The following MACROD2 variants were observed in gnomAD, a reference collection of about 807,000 sequenced individuals.
The protein encoded by MACROD2 is ADP-ribose glycohydrolase MACROD2.
A neutral mutation model predicts 70.4 loss-of-function variants in MACROD2; 36 were observed. The ratio of observed to expected loss-of-function variants is 0.51; its 90% confidence interval spans 0.39 to 0.68. The LOEUF (loss-of-function observed/expected upper bound fraction) is 0.68. Ranked by LOEUF, MACROD2 falls within the 30% of genes least tolerant of loss-of-function variation. The pLI is 0.00. For missense variants in MACROD2, 496 were observed against 538.4 expected (o/e 0.92, Z 0.78); for synonymous variants, 172 against 178.8 (o/e 0.96, Z 0.30).
chr20:14,746,394 G>C (rs2123728376), intron 5 of MACROD2, among the ~76,000 whole-genome samples: 1 of 152,064 alleles, frequency 6.6e-6, no homozygotes, highest in African/African-American at 2.4e-5. Flanking sequence ...CTGTTTTAAG[G>C]GTTTATTTTC....
chr20:14,800,389 T>G (rs2072560159), intron 5 of MACROD2, among the ~76,000 whole-genome samples: 1 of 152,110 alleles, frequency 6.6e-6, no homozygotes, highest in Admixed American at 6.6e-5. Flanking sequence ...ATTAAAACTA[T>G]GTTGATGATT....
intron 8 of MACROD2, among the ~76,000 whole-genome samples, chr20:15,840,437 A>C (rs2064157965): frequency 6.6e-6 from 1 of 152,144 alleles, no homozygotes; most frequent in Admixed American, 6.6e-5. Flanking sequence ...GGAGTGGCAA[A>C]AACCAAAAAG....
intron 8 of MACROD2, among the ~76,000 whole-genome samples, chr20:15,793,271 C>T (rs1457971855): frequency 6.6e-6 from 1 of 151,998 alleles, no homozygotes; most frequent in Non-Finnish European, 1.5e-5. Context: ...AACCCAGGTC[C>T]CCACCGTAGA....
intron 8 of MACROD2, among the ~76,000 whole-genome samples, chr20:15,592,454 G>A (rs1231465042): frequency 6.6e-6 from 1 of 152,208 alleles, no homozygotes; most frequent in Non-Finnish European, 1.5e-5. Flanking sequence ...AGGAAGGCCT[G>A]CAACATATGG....
At chr20:15,522,743 A>T (rs1444926759) in intron 8 of MACROD2, among the ~76,000 whole-genome samples, 1 of 152,202 alleles carries the variant, frequency 6.6e-6, no homozygotes, top group Non-Finnish European at 1.5e-5. Context: ...ACATTGTTCT[A>T]GACTTGGATG....
chr20:15,747,976 G>C (rs765965835), intron 8 of MACROD2, among the ~76,000 whole-genome samples: 1 of 152,064 alleles, frequency 6.6e-6, no homozygotes, highest in Non-Finnish European at 1.5e-5. Context: ...GTCCTCTGCA[G>C]ATATTTTTAA....
chr20:15,360,227 A>T (rs1449212523), intron 6 of MACROD2, among the ~76,000 whole-genome samples: 1 of 152,170 alleles, frequency 6.6e-6, no homozygotes, highest in African/African-American at 2.4e-5. Context: ...TAGTATGGGC[A>T]TATCATAGTA....
intron 3 of MACROD2, among the ~76,000 whole-genome samples, chr20:14,094,868 C>T (rs2054200593): frequency 6.6e-6 from 1 of 152,168 alleles, no homozygotes; most frequent in South Asian, 2.1e-4. Flanking sequence ...CCACCAGTCT[C>T]TTGCCACTGA....
chr20:15,819,025 T>C (rs189039026), intron 8 of MACROD2, among the ~76,000 whole-genome samples: 41 of 152,110 alleles, frequency 2.7e-4, no homozygotes, highest in African/African-American at 8.9e-4. Context: ...TGATACCATG[T>C]GACGCAACAA....
chr20:14,779,507 G>GCCCA (rs1183615761), intron 5 of MACROD2, among the ~76,000 whole-genome samples: 2 of 152,070 alleles, frequency 1.3e-5, no homozygotes, highest in Non-Finnish European at 2.9e-5. Flanking sequence ...GGCAACACCA[G>GCCCA]GCATTCAGTC....
intron 6 of MACROD2, among the ~76,000 whole-genome samples, chr20:15,301,877 T>C (rs2077647801): frequency 6.6e-6 from 1 of 152,154 alleles, no homozygotes; most frequent in Non-Finnish European, 1.5e-5. Flanking sequence ...TCATTTTTCC[T>C]CTAACTTTCA....
At chr20:14,436,957 A>T (rs887449292) in intron 3 of MACROD2, among the ~76,000 whole-genome samples, 2 of 152,228 alleles carry the variant, frequency 1.3e-5, no homozygotes, top group Non-Finnish European at 2.9e-5. Context: ...TGCTTTAAAC[A>T]TCTATCCTGA....
At chr20:14,595,759 C>A (rs62202905) in intron 4 of MACROD2, among the ~76,000 whole-genome samples, 28,576 of 152,042 alleles carry the variant, frequency 0.19, 3,354 homozygotes, top group Non-Finnish European at 0.26. Context: ...GTTTTGCCTA[C>A]GTATATGCTG....
At chr20:14,382,969 T>C (rs2122778244) in intron 3 of MACROD2, among the ~76,000 whole-genome samples, 1 of 152,272 alleles carries the variant, frequency 6.6e-6, no homozygotes, top group South Asian at 2.1e-4. Context: ...AAAATGTACA[T>C]ATGTTTGCTA....
At chr20:14,228,339 T>A (rs1601375094) in intron 3 of MACROD2, among the ~76,000 whole-genome samples, 1 of 26,508 alleles carries the variant, frequency 3.8e-5, no homozygotes, top group South Asian at 1.0e-3. Context: ...AATATTTTTC[T>A]TTTTTTTTTT....
In MACROD2 at chr20:14,215,104, ATC is replaced by A. The variant is rs373426976; in HGVS notation, c.271+129378_271+129379del. ...CATATATATCTATTCCATCATATAT[ATC>A]TATTCCATCATATATATATTCCATC... On this transcript the variant is annotated intron_variant, in intron 3 of 17. Transcript: ENST00000684519. Among the ~76,000 whole-genome samples, 50 of 8,036 alleles carry A rather than the reference ATC, an allele frequency of 6.2e-3. 1 individual carries two copies. The East Asian group carries it at 0.062, about 10-fold the overall frequency. 5.3% of individuals were successfully genotyped at this position (8,036 alleles called of 152,430 possible). A position where few individuals can be genotyped will look rare whatever the true frequency, so the allele number is the denominator to read the frequency against.
At chr20:14,784,700 G>T (rs1290359831) in intron 5 of MACROD2, among the ~76,000 whole-genome samples, 2 of 146,506 alleles carry the variant, frequency 1.4e-5, no homozygotes, top group Non-Finnish European at 3.0e-5. Context: ...TCAGTTACCT[G>T]GATAGGGAAA....
At chr20:15,579,005 A>G (rs2048487545) in intron 8 of MACROD2, among the ~76,000 whole-genome samples, 1 of 152,214 alleles carries the variant, frequency 6.6e-6, no homozygotes, top group Non-Finnish European at 1.5e-5. Flanking sequence ...TGAGTTGAAA[A>G]TAATATTGAT....
chr20:15,613,001 T>G (rs79190172), intron 8 of MACROD2, among the ~76,000 whole-genome samples: 3,726 of 152,284 alleles, frequency 0.024, 143 homozygotes, highest in African/African-American at 0.085. Context: ...ATTTAATAAG[T>G]GGATGAAGAA....
Sources: gnomAD v4.1 joint callset for allele counts (sites outside exome capture counted in the v4.1 genomes callset) on GRCh38, gnomAD v4.1.1 for gene constraint, MANE v1.5 for transcripts, NCBI Gene and HGNC (gene_info 2026-07-23, HGNC 2026-07-21) for gene names.